The following DNAH8 variants were observed in gnomAD, a reference collection of about 807,000 sequenced individuals.
DNAH8 encodes axonemal beta dynein heavy chain 8.
Under a neutral mutation model 562.1 loss-of-function variants are expected in DNAH8, and 382 were observed. The observed-to-expected ratio is 0.68, with a 90% CI of 0.63 to 0.74. DNAH8 has a LOEUF of 0.74. Ranked by LOEUF, DNAH8 falls within the 30% of genes least tolerant of loss-of-function variation. The pLI is 0.00. For missense variants in DNAH8, 5,203 were observed against 5,620.4 expected (o/e 0.93, Z 2.37); for synonymous variants, 1,881 against 1,919.4 (o/e 0.98, Z 0.52).
intron 81 of DNAH8, among the ~76,000 whole-genome samples, chr6:38,949,880 C>T (rs1404626988): frequency 6.6e-6 from 1 of 152,014 alleles, no homozygotes; most frequent in Non-Finnish European, 1.5e-5. Context: ...TTAATATTCA[C>T]TTTGTTCATG....
At position 38,974,368 on chromosome 6, in the gene DNAH8, T is replaced by C; in HGVS notation, c.12679-6T>C. On this transcript the variant is annotated splice_polypyrimidine_tract_variant and splice_region_variant and intron_variant, in intron 84 of 92. Transcript: ENST00000327475. ...AAACAAAAGCACTGTTTTCTTTTCATGACAGACCTCTCTCAAATTCACTAA... is the reference window on the plus strand; with the variant it reads ...AAACAAAAGCACTGTTTTCTTTTCACGACAGACCTCTCTCAAATTCACTAA... 6.2e-7 allele frequency: 1 copy of C among 1,604,960 alleles called. No individual in the cohort carries two copies. Among genetic ancestry groups the C allele is most frequent in the Non-Finnish European group, 8.5e-7 (1 of 1,176,284 alleles).
At chr6:38,736,573 C>T (rs1781726) in intron 5 of DNAH8, among the ~76,000 whole-genome samples, 39,611 of 151,912 alleles carry the variant, frequency 0.26, 6,027 homozygotes, top group Middle Eastern at 0.35. Context: ...TCTTAATTTT[C>T]TGGCTTGGGA....
chr6:38,723,571 T>C, intron 3 of DNAH8, 100 bp downstream of exon 3: 3 of 1,431,104 alleles, frequency 2.1e-6, no homozygotes, highest in Non-Finnish European at 2.8e-6. Context: ...ACAACAAAAA[T>C]CATTCAGAAA....
intron 11 of DNAH8, 75 bp from the exon 12 acceptor site, chr6:38,770,338 G>A (rs9366977): frequency 3.3e-6 from 3 of 907,172 alleles, no homozygotes; most frequent in Non-Finnish European, 5.0e-6. Context: ...CTGTGTGAGG[G>A]TAGAGTTTTT....
At chr6:39,011,231 C>G (rs1766190948) in intron 89 of DNAH8, among the ~76,000 whole-genome samples, 1 of 152,152 alleles carries the variant, frequency 6.6e-6, no homozygotes, top group South Asian at 2.1e-4. Flanking sequence ...GAGGCCTGTC[C>G]TATAAAAGGA....
At chr6:38,939,872 G>A (rs1471985658) in intron 79 of DNAH8, among the ~76,000 whole-genome samples, 13 of 152,226 alleles carry the variant, frequency 8.5e-5, no homozygotes, top group Non-Finnish European at 1.5e-4. Context: ...AGGTAGAAAT[G>A]AGGAAAACAT....
chr6:38,735,116 C>T (rs146100923), intron 5 of DNAH8, among the ~76,000 whole-genome samples: 3 of 152,268 alleles, frequency 2.0e-5, no homozygotes, highest in East Asian at 1.9e-4. Flanking sequence ...GAAAGTTGCT[C>T]ATCCTTTCTG....
intron 86 of DNAH8, 94 bp downstream of exon 86, chr6:38,982,556 CT>C: frequency 1.3e-6 from 1 of 748,400 alleles, no homozygotes; most frequent in Non-Finnish European, 2.3e-6. Context: ...TGTGAATTTG[CT>C]GAGCCCCATG....
At chr6:38,862,562 A>G (rs1776717682) in intron 44 of DNAH8, 104 bp downstream of exon 44, 4 of 1,327,152 alleles carry the variant, frequency 3.0e-6, no homozygotes, top group Non-Finnish European at 4.1e-6. Flanking sequence ...CATATAATCT[A>G]CATTAGTATG....
Position 38,929,579 on chromosome 6 carries a change from T to G in DNAH8, c.11187T>G (p.Leu3729=), listed in dbSNP as rs1370645027. 6 of 1,612,926 alleles carry G rather than the reference T, an allele frequency of 3.7e-6. No individual in the cohort carries two copies. Among genetic ancestry groups the G allele is most frequent in the Non-Finnish European group, 5.1e-6 (6 of 1,179,494 alleles). ...ACAGCCTTTCCTTGGGCCGACCCCTTCTCATTGAGGACATTCATGAAGAGC... is the reference window on the plus strand; with the variant it reads ...ACAGCCTTTCCTTGGGCCGACCCCTGCTCATTGAGGACATTCATGAAGAGC... ...LEDSLSLGRP[L]LIEDIHEELD... is the part of the protein sequence containing the mutation. The change falls in exon 75 of 93, where the codon CTT becomes CTG. Residue 3729 remains leucine, a synonymous_variant. Coordinates refer to ENST00000327475, the MANE Select transcript of DNAH8 (RefSeq NM_001206927.2).
chr6:38,950,175 AGTGTGTGTGTCTGCGTGT>A (rs1761764186), intron 81 of DNAH8, among the ~76,000 whole-genome samples: 1 of 131,440 alleles, frequency 7.6e-6, no homozygotes, highest in African/African-American at 3.0e-5. Flanking sequence ...GAAAAAAATC[AGTGTGTGTGTCTGCGTGT>A]GTGTGTGTGT....
Position 38,828,254 on chromosome 6 carries a change from T to G in DNAH8, c.4154T>G (p.Leu1385Ter). Residue 1385 changes from leucine (L) to a stop codon, truncating the protein, a stop_gained, in exon 30 of 93, where the codon TTA (leucine) becomes TGA (stop). Coordinates refer to ENST00000327475, the MANE Select transcript of DNAH8 (RefSeq NM_001206927.2). LOFTEE classifies it high-confidence loss of function. Reference sequence around the variant, plus strand: ...GAAGAATCAGAAGCAGTTGATACCTTAAGATATTCTTTCAACAAATTGCAG... The same window carrying G: ...GAAGAATCAGAAGCAGTTGATACCTGAAGATATTCTTTCAACAAATTGCAG... ...TKEESEAVDT[L>*]RYSFNKLQSK... 6.3e-7 allele frequency: 1 copy of G among 1,587,268 alleles called. No individual in the cohort carries two copies. The highest frequency in any genetic ancestry group is 1.2e-5 in the South Asian group (1 of 84,062).
Position 38,873,297 on chromosome 6 carries a change from T to C in DNAH8, c.7541T>C (p.Val2514Ala), listed in dbSNP as rs1777613298. ...GTATTCCTGACACTGTATGAGAAAG[T>C]CTTTGAAGATACATACACATATATG... ...AAVFLTLYEK[V>A]FEDTYTYMKL... The change falls in exon 52 of 93, where the codon GTC (valine) becomes GCC (alanine). Residue 2514 changes from valine to alanine, a missense_variant. By Grantham distance (64) the Val-to-Ala change is moderately conservative. Transcript: ENST00000327475. 1.2e-6 allele frequency: 2 copies of C among 1,613,704 alleles called. No individual in the cohort carries two copies. Among genetic ancestry groups the C allele is most frequent in the Non-Finnish European group, 8.5e-7 (1 of 1,179,888 alleles).
intron 7 of DNAH8, among the ~76,000 whole-genome samples, chr6:38,740,682 A>G (rs777482106): frequency 1.3e-4 from 20 of 151,930 alleles, no homozygotes; most frequent in Admixed American, 1.3e-3. Flanking sequence ...TGGCATGATC[A>G]TAGCTCACTG....
At chr6:38,895,894 T>C in intron 59 of DNAH8, 139 bp from the exon 60 acceptor site, 1 of 670,126 alleles carries the variant, frequency 1.5e-6, no homozygotes, top group Non-Finnish European at 2.5e-6. Context: ...ATGCCCTTCT[T>C]ATCAAAAGGC....
At chr6:39,025,725 G>T (rs1767229680) in intron 91 of DNAH8, among the ~76,000 whole-genome samples, 1 of 152,136 alleles carries the variant, frequency 6.6e-6, no homozygotes, top group Non-Finnish European at 1.5e-5. Flanking sequence ...GGAGTAGCGG[G>T]AACACACACA....
chr6:38,903,409 AACTCAGAGTTAGAACTC>A (rs536444664), intron 62 of DNAH8, among the ~76,000 whole-genome samples: 6 of 152,060 alleles, frequency 3.9e-5, no homozygotes, highest in African/African-American at 1.4e-4. Flanking sequence ...ATCTTATATG[AACTCAGAGTTAGAACTC>A]ACTCATTACC....
At chr6:38,925,698 A>G (rs1233672704) in intron 73 of DNAH8, among the ~76,000 whole-genome samples, 3 of 152,124 alleles carry the variant, frequency 2.0e-5, no homozygotes, top group Admixed American at 6.5e-5. Context: ...ATTGCCTGGG[A>G]CTTACCTTGT....
chr6:38,861,892 G>A (rs974535789), intron 43 of DNAH8, among the ~76,000 whole-genome samples: 1 of 151,166 alleles, frequency 6.6e-6, no homozygotes, highest in Admixed American at 6.6e-5. Context: ...TTGGTAGCTT[G>A]CCATTGACCA....
Sources: allele counts gnomAD v4.1 joint callset (sites outside exome capture counted in the v4.1 genomes callset), GRCh38; gene constraint gnomAD v4.1.1; transcripts MANE v1.5; gene names NCBI Gene and HGNC (gene_info 2026-07-23, HGNC 2026-07-21).